Variants in ESRRG observed in about 807,000 individuals in gnomAD.
ESRRG encodes the protein estrogen related receptor gamma.
Under a neutral mutation model 44.0 loss-of-function variants are expected in ESRRG, and 13 were observed. That is an observed-to-expected ratio of 0.30 (90% CI 0.19 to 0.47). The LOEUF is 0.47. Ranked by LOEUF, ESRRG falls within the 20% of genes least tolerant of loss-of-function variation. The pLI, the probability that ESRRG is intolerant of heterozygous loss-of-function variation, is 1.00. For synonymous variants in ESRRG, 215 were observed against 214.6 expected, an observed-to-expected ratio of 1.00 and a Z score of -0.02; for missense variants, 395 against 580.6, an observed-to-expected ratio of 0.68 and a Z score of 3.29.
chr1:216,967,750 C>T (rs1458276616), intron 1 of ESRRG, among the ~76,000 whole-genome samples: 1 of 152,070 alleles, frequency 6.6e-6, no homozygotes, highest in African/African-American at 2.4e-5. Context: ...TAGGTAAAAA[C>T]CAAGGAACAT....
intron 2 of ESRRG, among the ~76,000 whole-genome samples, chr1:216,667,217 A>C (rs1404018361): frequency 6.6e-6 from 1 of 152,236 alleles, no homozygotes; most frequent in Non-Finnish European, 1.5e-5. Context: ...TTATTAAAGG[A>C]AAAATAAATA....
At chr1:216,787,225 A>G (rs941245633) in intron 2 of ESRRG, among the ~76,000 whole-genome samples, 1 of 151,956 alleles carries the variant, frequency 6.6e-6, no homozygotes, top group African/African-American at 2.4e-5. Context: ...AACTGCTCCA[A>G]CTGGCCATTC....
intron 2 of ESRRG, among the ~76,000 whole-genome samples, chr1:216,823,294 T>A (rs1406281459): frequency 6.6e-6 from 1 of 152,190 alleles, no homozygotes; most frequent in Non-Finnish European, 1.5e-5. Context: ...GTATTTACAA[T>A]GATGAAATCA....
intron 3 of ESRRG, among the ~76,000 whole-genome samples, chr1:216,643,969 T>A (rs2150949446): frequency 6.6e-6 from 1 of 152,208 alleles, no homozygotes; most frequent in East Asian, 1.9e-4. Context: ...AGGAAAGACC[T>A]CTTATTTGGC....
At chr1:216,688,676 T>C (rs1044432091) in intron 1 of ESRRG, among the ~76,000 whole-genome samples, 5 of 152,058 alleles carry the variant, frequency 3.3e-5, no homozygotes, top group African/African-American at 7.2e-5. Flanking sequence ...AATGCAGAGA[T>C]ATGAAATTGT....
intron 3 of ESRRG, among the ~76,000 whole-genome samples, chr1:216,592,506 T>TC (rs2057827307): frequency 6.6e-6 from 1 of 152,030 alleles, no homozygotes; most frequent in Admixed American, 6.6e-5. Context: ...CATCTATCTT[T>TC]TTTTTTTTCT....
At chr1:216,877,717 C>T (rs1051132932) in intron 2 of ESRRG, among the ~76,000 whole-genome samples, 3 of 151,988 alleles carry the variant, frequency 2.0e-5, no homozygotes, top group East Asian at 1.9e-4. Flanking sequence ...TCACCGCGCC[C>T]GGCCTATATG....
At chr1:216,884,246 C>T (rs1391084205) in intron 2 of ESRRG, among the ~76,000 whole-genome samples, 1 of 152,172 alleles carries the variant, frequency 6.6e-6, no homozygotes, top group Non-Finnish European at 1.5e-5. Flanking sequence ...ACACAGCATG[C>T]TGCATGACAG....
intron 3 of ESRRG, among the ~76,000 whole-genome samples, chr1:216,584,385 T>C (rs2063376110): frequency 6.6e-6 from 1 of 151,402 alleles, no homozygotes; most frequent in Admixed American, 6.6e-5. Context: ...GCCTCCCGAG[T>C]AGCTGGGACT....
In ESRRG at chr1:216,569,237, G is replaced by GAAAGGAAAGGAAAGGAAAGA. The variant is rs1558553143; in HGVS notation, c.590-1140_590-1139insTCTTTCCTTTCCTTTCCTTT. On this transcript the variant is annotated intron_variant, in intron 3 of 6. Transcript: ENST00000408911. ...GAAAGGAAAGGAAAGGAAAGGAAAG[G>GAAAGGAAAGGAAAGGAAAGA]AAAGGAAAGGAAAGGAAAGGAGGGA... is the stretch of plus-strand genomic sequence containing the variant. Among the ~76,000 whole-genome samples the GAAAGGAAAGGAAAGGAAAGA allele has an allele frequency of 1.9e-3, 242 of 124,272 alleles. 12 individuals are homozygous for GAAAGGAAAGGAAAGGAAAGA. The highest frequency in any genetic ancestry group is 4.3e-3 in the Middle Eastern group (1 of 234). 81.5% of individuals were successfully genotyped at this position (124,272 alleles called of 152,430 possible).
chr1:216,932,208 G>A (rs191683882), intron 2 of ESRRG, among the ~76,000 whole-genome samples: 52 of 151,552 alleles, frequency 3.4e-4, no homozygotes, highest in African/African-American at 1.2e-3. Context: ...CATCTTTGGG[G>A]GTGAAAAAAA....
At chr1:217,022,812 G>T (rs559280993) in intron 1 of ESRRG, among the ~76,000 whole-genome samples, 1 of 152,254 alleles carries the variant, frequency 6.6e-6, no homozygotes, top group Non-Finnish European at 1.5e-5. Flanking sequence ...GTATGTGCTG[G>T]AAAGAAGGAA....
intron 1 of ESRRG, among the ~76,000 whole-genome samples, chr1:217,021,614 C>A (rs1049795725): frequency 6.6e-6 from 1 of 152,186 alleles, no homozygotes; most frequent in Non-Finnish European, 1.5e-5. Context: ...CCATTCAAAT[C>A]ACCCAGGGCA....
At chr1:216,774,820 A>G (rs965637867) in intron 2 of ESRRG, among the ~76,000 whole-genome samples, 1 of 14,226 alleles carries the variant, frequency 7.0e-5, no homozygotes, top group Non-Finnish European at 1.2e-4. Context: ...TTAAGACAGA[A>G]TCTTGCTCTG....
chr1:217,018,710 T>A (rs907698235), intron 1 of ESRRG, among the ~76,000 whole-genome samples: 1 of 152,178 alleles, frequency 6.6e-6, no homozygotes, highest in Non-Finnish European at 1.5e-5. Flanking sequence ...CAATTAGGTC[T>A]GCCAGGTAAC....
intron 2 of ESRRG, among the ~76,000 whole-genome samples, chr1:216,804,266 G>T (rs1297718581): frequency 6.6e-6 from 1 of 152,064 alleles, no homozygotes; most frequent in South Asian, 2.1e-4. Flanking sequence ...ACAACCCCGG[G>T]CCGGCAGCCA....
At chr1:216,645,941 T>C (rs1458820286) in intron 3 of ESRRG, among the ~76,000 whole-genome samples, 5 of 151,122 alleles carry the variant, frequency 3.3e-5, no homozygotes, top group Non-Finnish European at 5.9e-5. Flanking sequence ...CTTACAATTC[T>C]CCTTGCTCAT....
intron 2 of ESRRG, among the ~76,000 whole-genome samples, chr1:216,916,761 C>A (rs1388831123): frequency 6.7e-6 from 1 of 149,852 alleles, no homozygotes; most frequent in Non-Finnish European, 1.5e-5. Flanking sequence ...CTCTCATGAG[C>A]AAACACAGTG....
At chr1:216,739,766 G>A (rs962277696) in intron 2 of ESRRG, among the ~76,000 whole-genome samples, 1 of 152,132 alleles carries the variant, frequency 6.6e-6, no homozygotes, top group African/African-American at 2.4e-5. Flanking sequence ...TTGCTAATAT[G>A]GCTCTCCTAT....
Sources: allele counts gnomAD v4.1 joint callset (sites outside exome capture counted in the v4.1 genomes callset), GRCh38; gene constraint gnomAD v4.1.1; transcripts MANE v1.5; gene names NCBI Gene and HGNC (gene_info 2026-07-23, HGNC 2026-07-21).